Variants in PDE10A observed in about 807,000 individuals in gnomAD.
The protein encoded by PDE10A is cAMP and cAMP-inhibited cGMP 3',5'-cyclic phosphodiesterase 10A.
PDE10A carries 39 observed loss-of-function variants against 97.7 expected under a neutral mutation model. That is an observed-to-expected ratio of 0.40 (90% CI 0.31 to 0.52). PDE10A has a LOEUF of 0.52. Among genes scored for constraint, PDE10A ranks in the 20% least tolerant of loss-of-function variants. The probability of loss-of-function intolerance (pLI) is 0.56; values close to 1 mark genes in which losing one functional copy is unlikely to be tolerated. For missense variants in PDE10A, 731 were observed against 1,047.8 expected (o/e 0.70, Z 4.17); for synonymous variants, 371 against 376.8 (o/e 0.98, Z 0.18).
intron 1 of PDE10A, among the ~76,000 whole-genome samples, chr6:165,656,491 C>T (rs535628051): frequency 6.6e-6 from 1 of 151,988 alleles, no homozygotes; most frequent in Non-Finnish European, 1.5e-5. Context: ...CCTCTCCCTG[C>T]AGTCACACAG....
At position 165,333,108 on chromosome 6, in the gene PDE10A, C is replaced by A; in HGVS notation, c.3085G>T (p.Glu1029Ter). The A allele has an allele frequency of 6.2e-7, 1 of 1,604,950 alleles. No homozygotes were observed. Among genetic ancestry groups the A allele is most frequent in the Non-Finnish European group, 8.5e-7 (1 of 1,171,606 alleles). Residue 1029 changes from glutamate to a stop codon, truncating the protein, a stop_gained, in exon 22 of 22, where the codon GAG becomes TAG. Coordinates refer to ENST00000539869, the MANE Select transcript of PDE10A (RefSeq NM_001385079.1). LOFTEE classifies it low-confidence loss of function (END_TRUNC). ...KACRDNLSQW[E>*]KVIRGEETAT... ...GTCTCCTCCCCTCGAATCACCTTCT[C>A]CCACTGACTGAGATTATCCCTAGGG...
At chr6:165,600,441 T>C (rs999057642) in intron 1 of PDE10A, among the ~76,000 whole-genome samples, 2 of 152,264 alleles carry the variant, frequency 1.3e-5, no homozygotes, top group Admixed American at 1.3e-4. Flanking sequence ...TGCTTCTTTC[T>C]GTTCAAGAAA....
At chr6:165,346,343 A>G (rs1782306685) in intron 18 of PDE10A, among the ~76,000 whole-genome samples, 1 of 152,172 alleles carries the variant, frequency 6.6e-6, no homozygotes, top group Non-Finnish European at 1.5e-5. Flanking sequence ...TTAGAGGTAG[A>G]GCCAAATGCA....
chr6:165,964,825 G>C (rs77840471), intron 1 of PDE10A, among the ~76,000 whole-genome samples: 2 of 152,346 alleles, frequency 1.3e-5, no homozygotes, highest in South Asian at 4.1e-4. Context: ...TGCATAGGGG[G>C]CTATAAAGAC....
intron 18 of PDE10A, among the ~76,000 whole-genome samples, chr6:165,365,395 T>A (rs1783706403): frequency 6.6e-6 from 1 of 152,182 alleles, no homozygotes; most frequent in South Asian, 2.1e-4. Flanking sequence ...TTAAATATTT[T>A]TCATTTAAAA....
intron 6 of PDE10A, among the ~76,000 whole-genome samples, 157 bp downstream of exon 6, chr6:165,435,080 C>A (rs1055499583): frequency 6.6e-6 from 1 of 152,104 alleles, no homozygotes; most frequent in Non-Finnish European, 1.5e-5. Flanking sequence ...TTTCTGAGTA[C>A]AAAAAATTAA....
intron 1 of PDE10A, among the ~76,000 whole-genome samples, chr6:165,926,924 G>A (rs915133632): frequency 6.6e-6 from 1 of 152,168 alleles, no homozygotes; most frequent in African/African-American, 2.4e-5. Flanking sequence ...TGGGAGAGGG[G>A]TTGATTGGAG....
intron 1 of PDE10A, among the ~76,000 whole-genome samples, chr6:165,972,942 C>T (rs762290026): frequency 7.2e-5 from 11 of 152,112 alleles, no homozygotes; most frequent in Non-Finnish European, 1.6e-4. Context: ...CTCCTCTCCC[C>T]TCCATTCCCA....
intron 1 of PDE10A, among the ~76,000 whole-genome samples, chr6:165,788,742 C>T (rs939419987): frequency 1.3e-5 from 2 of 152,036 alleles, no homozygotes; most frequent in Admixed American, 6.5e-5. Flanking sequence ...CAAATTAAAG[C>T]AGGATGGTTA....
intron 1 of PDE10A, among the ~76,000 whole-genome samples, chr6:165,876,929 C>G (rs112796963): frequency 1.3e-5 from 2 of 152,166 alleles, no homozygotes; most frequent in African/African-American, 4.8e-5. Flanking sequence ...ATGCACCATC[C>G]ACAGAATTTC....
chr6:165,338,259 TAA>T (rs1481760632), intron 20 of PDE10A, among the ~76,000 whole-genome samples: 2 of 152,246 alleles, frequency 1.3e-5, no homozygotes, highest in African/African-American at 4.8e-5. Flanking sequence ...AAATTTTGTA[TAA>T]ATCAATTTTA....
intron 1 of PDE10A, among the ~76,000 whole-genome samples, chr6:165,887,164 A>G (rs1290462914): frequency 1.3e-5 from 2 of 152,202 alleles, no homozygotes; most frequent in Non-Finnish European, 1.5e-5. Context: ...AAAGATGAGC[A>G]TGAACCTTCT....
chr6:165,561,111 C>T (rs1366361891), intron 1 of PDE10A, among the ~76,000 whole-genome samples: 8 of 151,328 alleles, frequency 5.3e-5, no homozygotes, highest in Non-Finnish European at 8.8e-5. Flanking sequence ...CCCAGCTACT[C>T]GGGAGGCTGA....
chr6:165,685,928 C>T (rs949567244), intron 1 of PDE10A, among the ~76,000 whole-genome samples: 2 of 151,912 alleles, frequency 1.3e-5, no homozygotes, highest in Admixed American at 6.6e-5. Context: ...TTTGTATGGA[C>T]AAGTGGTAAC....
chr6:165,633,855 T>G (rs1179870638), intron 1 of PDE10A, among the ~76,000 whole-genome samples: 2 of 152,062 alleles, frequency 1.3e-5, no homozygotes, highest in Non-Finnish European at 2.9e-5. Flanking sequence ...AGGCTGGTCT[T>G]GAGAATAATT....
At chr6:165,811,403 T>C (rs1170591418) in intron 1 of PDE10A, among the ~76,000 whole-genome samples, 1 of 152,210 alleles carries the variant, frequency 6.6e-6, no homozygotes, top group African/African-American at 2.4e-5. Flanking sequence ...TCAGGAAATA[T>C]GGGTTCTGTC....
intron 18 of PDE10A, among the ~76,000 whole-genome samples, chr6:165,361,269 G>A (rs1035649547): frequency 3.9e-5 from 6 of 152,098 alleles, no homozygotes; most frequent in African/African-American, 1.4e-4. Context: ...TTTGAGTACA[G>A]ATGGAACATC....
intron 1 of PDE10A, among the ~76,000 whole-genome samples, chr6:165,961,200 T>G (rs1031927861): frequency 6.6e-6 from 1 of 152,150 alleles, no homozygotes; most frequent in Non-Finnish European, 1.5e-5. Flanking sequence ...AAGCTGTCAC[T>G]TAAAAGCTTT....
intron 1 of PDE10A, among the ~76,000 whole-genome samples, chr6:165,608,429 A>G (rs531195196): frequency 6.6e-6 from 1 of 152,150 alleles, no homozygotes; most frequent in African/African-American, 2.4e-5. Context: ...GTCCCTACAA[A>G]GGACATGAAC....
Sources: allele counts gnomAD v4.1 joint callset (sites outside exome capture counted in the v4.1 genomes callset), GRCh38; gene constraint gnomAD v4.1.1; transcripts MANE v1.5; gene names NCBI Gene and HGNC (gene_info 2026-07-23, HGNC 2026-07-21).